The following TSPAN33 variants were observed in gnomAD, a reference collection of about 807,000 sequenced individuals.
TSPAN33 encodes the protein tetraspanin 33.
In TSPAN33, 27 loss-of-function variants were observed where a neutral mutation model predicts 34.8. The ratio of observed to expected loss-of-function variants is 0.78; its 90% CI spans 0.57 to 1.07. The LOEUF (loss-of-function observed/expected upper bound fraction) is 1.07, where lower values mean the gene tolerates loss of function less well. Ranked by LOEUF, TSPAN33 falls within the 50% of genes least tolerant of loss-of-function variation. The pLI, the probability that TSPAN33 is intolerant of heterozygous loss-of-function variation, is 0.00. For synonymous variants in TSPAN33, 119 were observed against 124.2 expected (o/e 0.96, Z 0.28); for missense variants, 272 against 324.9 (o/e 0.84, Z 1.25).
At chr7:129,146,722 G>C (rs1384969646) in intron 1 of TSPAN33, among the ~76,000 whole-genome samples, 1 of 152,212 alleles carries the variant, frequency 6.6e-6, no homozygotes, top group Non-Finnish European at 1.5e-5. Context: ...TCCCCACTTA[G>C]GGGCAAGTAT....
intron 1 of TSPAN33, among the ~76,000 whole-genome samples, chr7:129,158,974 C>T (rs1369528976): frequency 6.6e-6 from 1 of 151,520 alleles, no homozygotes; most frequent in Non-Finnish European, 1.5e-5. Flanking sequence ...TGGTCTCAAT[C>T]TCTTGACCTC....
At chr7:129,146,304 G>A (rs918419371) in intron 1 of TSPAN33, among the ~76,000 whole-genome samples, 10 of 152,166 alleles carry the variant, frequency 6.6e-5, no homozygotes, top group African/African-American at 1.4e-4. Context: ...ATAGGGTGGT[G>A]ATGACAGCGC....
rs920256208 is a variant in TSPAN33 at position 129,148,868 on chromosome 7, T to G, written c.102+3786T>G. 6.6e-6 allele frequency among the ~76,000 whole-genome samples: 1 copy of G among 152,132 alleles called. No individual in the cohort carries two copies. Among genetic ancestry groups the G allele is most frequent in the African/African-American group, 2.4e-5 (1 of 41,424 alleles). ...CTACTGTATTGGAGTCCTTGGGCACTCAGAATCACCCAGGCCACTCTCAGC... is the reference window on the plus strand; with the variant it reads ...CTACTGTATTGGAGTCCTTGGGCACGCAGAATCACCCAGGCCACTCTCAGC... On this transcript the variant is annotated intron_variant, in intron 1 of 7. Coordinates refer to ENST00000486685, the MANE Select transcript of TSPAN33 (RefSeq NM_178562.5). The surrounding 1 kb of genome is among the most constrained non-coding windows in gnomAD (Gnocchi z 4.2).
chr7:129,147,709 A>G (rs998895480), intron 1 of TSPAN33, among the ~76,000 whole-genome samples: 1 of 152,170 alleles, frequency 6.6e-6, no homozygotes, highest in African/African-American at 2.4e-5. Context: ...GAGCTGCCGC[A>G]TGGCAGTGGT....
intron 1 of TSPAN33, among the ~76,000 whole-genome samples, chr7:129,155,020 A>G (rs1345483677): frequency 6.6e-6 from 1 of 152,246 alleles, no homozygotes; most frequent in Non-Finnish European, 1.5e-5. Flanking sequence ...GTGTCCATCT[A>G]CAAATGAATG....
Position 129,167,799 on chromosome 7 carries a change from CCTAG to C in TSPAN33, c.778_781del (p.Leu260Ter). On this transcript the variant is annotated frameshift_variant, in exon 8 of 8. Coordinates refer to ENST00000486685, the MANE Select transcript of TSPAN33 (RefSeq NM_178562.5). LOFTEE classifies it high-confidence loss of function. The surrounding 1 kb of genome is among the most constrained non-coding windows in gnomAD (Gnocchi z 4.6). ...TGGTGGGAATTCTGCTGTCCCAGAT[CCTAG>C]TGAATCAGATCAAAGATCAGATCAA... The C allele has an allele frequency of 1.2e-6, 2 of 1,614,190 alleles. No individual in the cohort carries two copies. The highest frequency in any genetic ancestry group is 1.7e-6 in the Non-Finnish European group (2 of 1,180,030).
chr7:129,162,348 C>T, intron 2 of TSPAN33, 46 bp from the exon 3 acceptor site: 3 of 1,604,272 alleles, frequency 1.9e-6, no homozygotes, highest in African/African-American at 1.3e-5. Flanking sequence ...TCCAGGGGTT[C>T]CTCAGTGGGC....
intron 4 of TSPAN33, among the ~76,000 whole-genome samples, chr7:129,163,575 C>T (rs970105844): frequency 1.3e-5 from 2 of 152,070 alleles, no homozygotes; most frequent in African/African-American, 4.8e-5. Context: ...GAATGTCTTT[C>T]CCAAAAGGCA....
chr7:129,149,537 A>C (rs1810565040), intron 1 of TSPAN33, among the ~76,000 whole-genome samples: 1 of 152,190 alleles, frequency 6.6e-6, no homozygotes, highest in African/African-American at 2.4e-5. Context: ...TGGGCAACAA[A>C]AGTGAAACTC....
rs528242466 is a variant in TSPAN33, at chr7:129,151,184, T to C, written c.102+6102T>C. ...CTCTTTGACCCAGGCTGGAGTGCAG[T>C]GATGGGATCACAGCTCACTGCAGCC... On this transcript the variant is annotated intron_variant, in intron 1 of 7. Transcript: ENST00000486685. Among the ~76,000 whole-genome samples the C allele has an allele frequency of 9.9e-5, 15 of 152,284 alleles. No individual in the cohort carries two copies. The South Asian group carries it at 3.1e-3, about 32-fold the overall frequency.
rs527580205 is a variant in TSPAN33 at position 129,157,462 on chromosome 7, A to G, written c.103-4217A>G. Among the ~76,000 whole-genome samples, 205 of 152,282 alleles carry G rather than the reference A, an allele frequency of 1.3e-3. 1 individual carries two copies. The highest frequency in any genetic ancestry group is 2.1e-3 in the Non-Finnish European group (146 of 68,036). The stretch of plus-strand genomic sequence containing the variant: ...GATATCATTAGTGATCATATTAAAT[A>G]TTAATAATAATATTAAAGACTTAAT... On this transcript the variant is annotated intron_variant, in intron 1 of 7. Transcript: ENST00000486685.
chr7:129,145,558 A>C (rs1584632339), intron 1 of TSPAN33, among the ~76,000 whole-genome samples: 7 of 142,502 alleles, frequency 4.9e-5, no homozygotes, highest in South Asian at 2.3e-4. Context: ...ATCTACCCCC[A>C]CCTCCACCCC....
intron 1 of TSPAN33, among the ~76,000 whole-genome samples, chr7:129,152,136 G>C (rs1334263716): frequency 6.6e-6 from 1 of 152,228 alleles, no homozygotes; most frequent in Non-Finnish European, 1.5e-5. Flanking sequence ...CTTGGCTAGT[G>C]GGGAAGTAAA....
At chr7:129,152,273 C>T (rs1281581944) in intron 1 of TSPAN33, among the ~76,000 whole-genome samples, 2 of 152,204 alleles carry the variant, frequency 1.3e-5, no homozygotes, top group African/African-American at 2.4e-5. Flanking sequence ...AGACCTTTTA[C>T]ATGAATGTTC....
chr7:129,144,833 T>A lies in TSPAN33; in HGVS notation c.-148T>A, dbSNP rs1252214580. On this transcript the variant is annotated 5_prime_UTR_variant, in exon 1 of 8. Transcript: ENST00000486685. ...CCCGCGCCGCTCCCGGCCCCCCGGC[T>A]CGGGCGCCTCCCGCCGCAGCGCAGG... 6.8e-6 allele frequency: 1 copy of A among 147,284 alleles called. No homozygotes were observed. The highest frequency in any genetic ancestry group is 1.5e-5 in the Non-Finnish European group (1 of 66,544). 9.1% of individuals were successfully genotyped at this position (147,284 alleles called of 1,614,324 possible). A position where few individuals can be genotyped will look rare whatever the true frequency, so the allele number is the denominator to read the frequency against.
chr7:129,147,673 A>G (rs1328663253), intron 1 of TSPAN33, among the ~76,000 whole-genome samples: 1 of 152,204 alleles, frequency 6.6e-6, no homozygotes, highest in East Asian at 1.9e-4. Context: ...CTTTGCAGGC[A>G]GAGTGCATGC....
At chr7:129,147,592 C>T (rs140170919) in intron 1 of TSPAN33, among the ~76,000 whole-genome samples, 67 of 152,328 alleles carry the variant, frequency 4.4e-4, no homozygotes, top group African/African-American at 1.6e-3. Flanking sequence ...TGTAGACTTC[C>T]ACCATCCTAA....
chr7:129,145,055 G>T lies in TSPAN33; in HGVS notation c.75G>T (p.Leu25=). 1 of 733,496 alleles carries T rather than the reference G, an allele frequency of 1.4e-6. No individual in the cohort carries two copies. The allele number at this position is 733,496 out of a possible 1,614,324, so 45.4% of individuals were successfully genotyped here. A position where few individuals can be genotyped will look rare whatever the true frequency, so the allele number is the denominator to read the frequency against. ...TCGTCAGCCCGCTGGTGAAATACCT[G>T]CTCTTCTTCTTCAACATGCTCTTCT... ...FSFVSPLVKY[L]LFFFNMLFWV... is the part of the protein sequence containing the mutation. Residue 25 remains leucine, a synonymous_variant, in exon 1 of 8, where the codon CTG becomes CTT. Transcript: ENST00000486685.
Position 129,169,374 on chromosome 7 carries a change from A to C in TSPAN33, c.*1500A>C, listed in dbSNP as rs1018869963. On this transcript the variant is annotated 3_prime_UTR_variant, in exon 8 of 8. Transcript: ENST00000486685. ...GTGGTCCCCGCCCCCGCGGCGGCCT[A>C]GGCCCGCGCCTGCGTCCCCCAACCC... 1 of 152,146 alleles carries C rather than the reference A, an allele frequency of 6.6e-6. No individual in the cohort carries two copies. The highest frequency in any genetic ancestry group is 1.5e-5 in the Non-Finnish European group (1 of 68,010). 9.4% of individuals were successfully genotyped at this position (152,146 alleles called of 1,614,324 possible).
Sources: allele counts gnomAD v4.1 joint callset (sites outside exome capture counted in the v4.1 genomes callset), GRCh38; gene constraint gnomAD v4.1.1; non-coding constraint Gnocchi (gnomAD v3.1); transcripts MANE v1.5; gene names NCBI Gene and HGNC (gene_info 2026-07-23, HGNC 2026-07-21).